Variants in COPS7B observed in about 807,000 individuals in gnomAD.
The protein encoded by COPS7B is COP9 signalosome subunit 7B, also known as COP9 signalosome complex subunit 7b.
A neutral mutation model predicts 33.4 loss-of-function variants in COPS7B; 9 were observed. That is an observed-to-expected ratio of 0.27 (90% CI 0.16 to 0.47). The LOEUF is 0.47. Among genes scored for constraint, COPS7B ranks in the 20% least tolerant of loss-of-function variants. COPS7B has a pLI of 0.99. For missense variants in COPS7B, 242 were observed against 318.2 expected, an observed-to-expected ratio of 0.76 and a Z score of 1.82; for synonymous variants, 119 against 126.3, an observed-to-expected ratio of 0.94 and a Z score of 0.39.
At chr2:231,794,184 G>T in intron 3 of COPS7B, 79 bp from the exon 4 acceptor site, 1 of 1,108,194 alleles carries the variant, frequency 9.0e-7, no homozygotes, top group South Asian at 1.4e-5. Context: ...TTGGTTTGGG[G>T]AGTTGGTGAG....
At chr2:231,806,481 C>A (rs1466982499) in intron 6 of COPS7B, among the ~76,000 whole-genome samples, 1 of 147,382 alleles carries the variant, frequency 6.8e-6, no homozygotes, top group Non-Finnish European at 1.5e-5. Flanking sequence ...TAAGCCTGGG[C>A]AGTTGAGGCT....
At chr2:231,793,964 T>G in intron 3 of COPS7B, 1 of 341,116 alleles carries the variant, frequency 2.9e-6, no homozygotes, top group South Asian at 3.5e-5. Context: ...GAAGATATGT[T>G]TAATTTAATT....
At chr2:231,806,340 G>A (rs374807788) in intron 6 of COPS7B, among the ~76,000 whole-genome samples, 3 of 152,016 alleles carry the variant, frequency 2.0e-5, no homozygotes, top group East Asian at 3.8e-4. Context: ...AGTTGACCCT[G>A]GGAGTTTGAA....
chr2:231,802,256 G>A (rs1389584456), intron 6 of COPS7B, among the ~76,000 whole-genome samples: 1 of 152,178 alleles, frequency 6.6e-6, no homozygotes, highest in Non-Finnish European at 1.5e-5. Context: ...TGACAATCTT[G>A]AGATTTATAC....
chr2:231,807,451 C>G (rs769220277), intron 6 of COPS7B, 36 bp from the exon 7 acceptor site: 1 of 1,578,280 alleles, frequency 6.3e-7, no homozygotes, highest in Non-Finnish European at 8.6e-7. Flanking sequence ...TGAGCACATA[C>G]AGGCTGAGCA....
At chr2:231,790,731 A>ATT (rs768098434) in intron 2 of COPS7B, 22,762 of 132,908 alleles carry the variant, frequency 0.17, 2,398 homozygotes, top group Non-Finnish European at 0.24. Flanking sequence ...CACGTTTGTG[A>ATT]TTTTTTTTTT....
At chr2:231,800,967 A>G (rs959870455) in intron 6 of COPS7B, among the ~76,000 whole-genome samples, 2 of 152,242 alleles carry the variant, frequency 1.3e-5, no homozygotes, top group African/African-American at 4.8e-5. Flanking sequence ...TGAGGCACAC[A>G]GAAGATACTC....
intron 6 of COPS7B, 76 bp downstream of exon 6, chr2:231,799,040 T>C: frequency 7.4e-7 from 1 of 1,357,018 alleles, no homozygotes; most frequent in Non-Finnish European, 1.0e-6. Context: ...ATGTTTTTGT[T>C]TTGCGAATCT....
Position 231,796,121 on chromosome 2 carries a change from G to A in COPS7B, c.343G>A (p.Val115Met), listed in dbSNP as rs779664668. 1.9e-5 allele frequency: 30 copies of A among 1,613,656 alleles called. No homozygotes were observed. The highest frequency in any genetic ancestry group is 1.6e-4 in the African/African-American group (12 of 74,876). ...ASRMKCIPYSVLLKDLEMRNL... is the reference protein window; with the variant it reads ...ASRMKCIPYSMLLKDLEMRNL... ...TTATCTACAGTGTATCCCCTACTCC[G>A]TGTTGCTGAAAGACCTGGAGATGCG... The change falls in exon 5 of 7, where the codon GTG (valine) becomes ATG (methionine). Residue 115 changes from valine to methionine, a missense_variant. By Grantham distance (21) the Val-to-Met change is conservative (BLOSUM62 1). Transcript: ENST00000350033.
chr2:231,781,936 A>G, upstream of COPS7B: 1 of 1,503,754 alleles, frequency 6.7e-7, no homozygotes, highest in African/African-American at 1.4e-5. Context: ...AAAGAGAACA[A>G]AATGACTTCT....
intron 6 of COPS7B, among the ~76,000 whole-genome samples, chr2:231,800,439 C>T (rs1255031330): frequency 1.3e-5 from 2 of 152,202 alleles, no homozygotes; most frequent in African/African-American, 4.8e-5. Context: ...ATAAATCAAA[C>T]TCTGTACAAA....
intron 1 of COPS7B, 70 bp downstream of exon 1, chr2:231,786,608 A>G (rs1277844105): frequency 2.5e-6 from 2 of 793,984 alleles, no homozygotes; most frequent in Non-Finnish European, 3.1e-6. Flanking sequence ...TCCGGCTTAG[A>G]GCCCGCCGCC....
At chr2:231,805,465 TA>T (rs1209493081) in intron 6 of COPS7B, among the ~76,000 whole-genome samples, 7 of 146,932 alleles carry the variant, frequency 4.8e-5, no homozygotes, top group Non-Finnish European at 7.5e-5. Context: ...TATATATATA[TA>T]TATTTATATA....
intron 5 of COPS7B, 40 bp from the exon 6 acceptor site, chr2:231,798,819 A>T: frequency 6.4e-7 from 1 of 1,551,294 alleles, no homozygotes; most frequent in Non-Finnish European, 8.9e-7. Flanking sequence ...GAGACTTCCC[A>T]GGCCATTCTG....
chr2:231,788,763 A>AT (rs754747089), intron 2 of COPS7B, 31 bp downstream of exon 2: 1 of 1,589,086 alleles, frequency 6.3e-7, no homozygotes, highest in East Asian at 2.2e-5. Context: ...ATTTCTCTTT[A>AT]TTCTAAGACT....
intron 6 of COPS7B, 86 bp from the exon 7 acceptor site, chr2:231,807,401 T>C: frequency 7.7e-7 from 1 of 1,294,734 alleles, no homozygotes; most frequent in Non-Finnish European, 1.0e-6. Flanking sequence ...GGATTTTAGC[T>C]TCCTGTCTGA....
At chr2:231,786,880 C>G (rs990331843) in intron 1 of COPS7B, among the ~76,000 whole-genome samples, 2 of 152,236 alleles carry the variant, frequency 1.3e-5, no homozygotes, top group Non-Finnish European at 1.5e-5. Context: ...TCTGGCCCTC[C>G]CACTCCAGAA....
At chr2:231,785,143 C>T (rs2049209691), upstream of COPS7B, among the ~76,000 whole-genome samples, 1 of 152,230 alleles carries the variant, frequency 6.6e-6, no homozygotes, top group Admixed American at 6.5e-5. Flanking sequence ...AATCGGTCAC[C>T]TCACCGGAGG....
chr2:231,796,621 G>T (rs2049578517), intron 5 of COPS7B, among the ~76,000 whole-genome samples: 1 of 152,236 alleles, frequency 6.6e-6, no homozygotes, highest in Non-Finnish European at 1.5e-5. Context: ...TGTGAGGCTA[G>T]TCCTGCCCTT....
Sources: gnomAD v4.1 joint callset for allele counts (sites outside exome capture counted in the v4.1 genomes callset) on GRCh38, gnomAD v4.1.1 for gene constraint, MANE v1.5 for transcripts, NCBI Gene and HGNC (gene_info 2026-07-23, HGNC 2026-07-21) for gene names.